The following TULP4 variants were observed in gnomAD, a reference collection of about 807,000 sequenced individuals.
The protein encoded by TULP4 is TUB like protein 4.
Under a neutral mutation model 129.0 loss-of-function variants are expected in TULP4, and 16 were observed. That is an observed-to-expected ratio of 0.12 (90% CI 0.08 to 0.19). The LOEUF (loss-of-function observed/expected upper bound fraction) is 0.19, where lower values mean the gene tolerates loss of function less well. TULP4 is among the 10% of genes least tolerant of loss of function. The pLI, the probability that TULP4 is intolerant of heterozygous loss-of-function variation, is 1.00. For missense variants in TULP4, 1,842 were observed against 2,059.1 expected (o/e 0.89, Z 2.04); for synonymous variants, 998 against 854.0 (o/e 1.17, Z -2.94).
chr6:158,245,558 C>A (rs565290422), intron 1 of TULP4, among the ~76,000 whole-genome samples: 1 of 152,012 alleles, frequency 6.6e-6, no homozygotes, highest in African/African-American at 2.4e-5. Context: ...GCAAAGTGTG[C>A]ATAGCCTTCT....
rs1362130604 is a variant in TULP4, at chr6:158,504,184, ACCT to A, written c.4515+8_4515+10del. The A allele has an allele frequency of 6.4e-7, 1 of 1,557,940 alleles. No individual in the cohort carries two copies. Among genetic ancestry groups the A allele is most frequent in the African/African-American group, 1.4e-5 (1 of 73,846 alleles). On this transcript the variant is annotated splice_region_variant and intron_variant, in intron 13 of 13. Transcript: ENST00000367097. ...TTGAGTTAGAGGGGCGGCAGGTAAG[ACCT>A]CAGACCAGGTGGCGCTGCGAGCCCA...
intron 1 of TULP4, among the ~76,000 whole-genome samples, chr6:158,377,667 G>A (rs139321765): frequency 9.2e-5 from 14 of 152,314 alleles, no homozygotes; most frequent in Non-Finnish European, 1.9e-4. Context: ...AGTCTAGCGG[G>A]TGGCTGACTT....
chr6:158,362,386 G>T (rs1445605294), intron 1 of TULP4, among the ~76,000 whole-genome samples: 1 of 151,386 alleles, frequency 6.6e-6, no homozygotes, highest in African/African-American at 2.4e-5. Flanking sequence ...GTCTCTCTCT[G>T]TTGCCCAGGC....
rs536073795 is a variant in TULP4, at chr6:158,249,461, G to A, written n.68+17158G>A. Among the ~76,000 whole-genome samples, 33 of 152,262 alleles carry A rather than the reference G, an allele frequency of 2.2e-4. No individual in the cohort carries two copies. In the South Asian group the frequency reaches 6.6e-3, roughly 31 times the overall value. ...ATGAAAGTGGCACGCATTCTGTTTC[G>A]TCTTTTTACCCAGCTTTGCCTCTGA... On this transcript the variant is annotated intron_variant and non_coding_transcript_variant, in intron 1 of 1. Transcript: ENST00000620026.
At chr6:158,251,745 T>C (rs902222259) in intron 1 of TULP4, among the ~76,000 whole-genome samples, 4 of 152,212 alleles carry the variant, frequency 2.6e-5, no homozygotes, top group African/African-American at 7.2e-5. Context: ...CTGGTGCTGA[T>C]TGGCTGGTGC....
intron 6 of TULP4, among the ~76,000 whole-genome samples, chr6:158,474,305 C>G (rs1000848716): frequency 6.6e-6 from 1 of 152,222 alleles, no homozygotes; most frequent in African/African-American, 2.4e-5. Flanking sequence ...TCTGCCTCCT[C>G]GGTGGCCGGG....
intron 1 of TULP4, among the ~76,000 whole-genome samples, chr6:158,244,168 G>A (rs1340550819): frequency 6.6e-6 from 1 of 152,030 alleles, no homozygotes; most frequent in Non-Finnish European, 1.5e-5. Context: ...ATTTAGGCTG[G>A]CACCTGAGTC....
At chr6:158,410,651 C>G (rs962684391) in intron 1 of TULP4, among the ~76,000 whole-genome samples, 1 of 152,130 alleles carries the variant, frequency 6.6e-6, no homozygotes, top group African/African-American at 2.4e-5. Context: ...GTGCTTGGGT[C>G]AAATCATTGG....
rs139302047 is a variant in TULP4, at chr6:158,418,460, A to C, written c.381+5267A>C. Among the ~76,000 whole-genome samples, 340 of 143,700 alleles carry C rather than the reference A, an allele frequency of 2.4e-3. 1 individual carries two copies. Among genetic ancestry groups the C allele is most frequent in the Non-Finnish European group, 3.5e-3 (236 of 66,494 alleles). 94.3% of individuals were successfully genotyped at this position (143,700 alleles called of 152,430 possible). On this transcript the variant is annotated intron_variant, in intron 2 of 13. Transcript: ENST00000367097. The stretch of plus-strand genomic sequence containing the variant: ...TGGTTTTCTCTGGTTTTGTTTTTCC[A>C]GTTGTGATATAGTCTTATCACATTA...
At chr6:158,246,326 A>G (rs1699239996) in intron 1 of TULP4, among the ~76,000 whole-genome samples, 2 of 152,004 alleles carry the variant, frequency 1.3e-5, no homozygotes, top group Admixed American at 6.6e-5. Flanking sequence ...AGTCTCTACT[A>G]AAAATACAAA....
At chr6:158,300,930 A>G (rs1779119584) in intron 1 of TULP4, among the ~76,000 whole-genome samples, 1 of 152,208 alleles carries the variant, frequency 6.6e-6, no homozygotes, top group Admixed American at 6.5e-5. Flanking sequence ...GAGTGAGATT[A>G]TGGAACTCCT....
intron 6 of TULP4, among the ~76,000 whole-genome samples, chr6:158,467,038 T>C (rs189119085): frequency 6.6e-6 from 1 of 152,268 alleles, no homozygotes; most frequent in African/African-American, 2.4e-5. Flanking sequence ...CTCATAAGCA[T>C]TGCACATTCA....
At chr6:158,332,318 G>A (rs1468181842) in intron 1 of TULP4, among the ~76,000 whole-genome samples, 1 of 151,602 alleles carries the variant, frequency 6.6e-6, no homozygotes. Context: ...GATAAGCTGG[G>A]AAGGGGTTCA....
chr6:158,362,858 G>A (rs928778894), intron 1 of TULP4, among the ~76,000 whole-genome samples: 3 of 151,956 alleles, frequency 2.0e-5, no homozygotes, highest in Non-Finnish European at 4.4e-5. Context: ...TCAGGAGTTC[G>A]AGACTAGCCT....
rs599672 is a variant in TULP4, at chr6:158,438,604, A to T, written c.543+8707A>T. On this transcript the variant is annotated intron_variant, in intron 3 of 13. Coordinates refer to ENST00000367097, the MANE Select transcript of TULP4 (RefSeq NM_020245.5). ...GTTTGTTTGTTTGTTTGTTTGTTTG[A>T]GACAGAGTCTCGCTCTGTTGCCCAG... Among the ~76,000 whole-genome samples, 756 of 81,196 alleles carry T rather than the reference A, an allele frequency of 9.3e-3. 2 individuals carry two copies. Among genetic ancestry groups the T allele is most frequent in the Non-Finnish European group, 0.018 (470 of 25,818 alleles). The allele number at this position is 81,196 out of a possible 152,430, so 53.3% of individuals were successfully genotyped here.
At chr6:158,320,807 G>A (rs1396760763) in intron 1 of TULP4, among the ~76,000 whole-genome samples, 4 of 152,154 alleles carry the variant, frequency 2.6e-5, no homozygotes, top group Admixed American at 1.3e-4. Context: ...ATAAGGACAC[G>A]ACTACTGTAG....
chr6:158,274,572 C>A (rs112025372), intron 1 of TULP4, among the ~76,000 whole-genome samples: 1 of 151,972 alleles, frequency 6.6e-6, no homozygotes, highest in East Asian at 1.9e-4. Flanking sequence ...GTCAGGAGAT[C>A]GAGACCATCC....
intron 2 of TULP4, among the ~76,000 whole-genome samples, chr6:158,415,852 A>G (rs1192534236): frequency 2.6e-5 from 4 of 152,106 alleles, no homozygotes; most frequent in African/African-American, 9.7e-5. Flanking sequence ...TTTTTGAAGG[A>G]GAACTGACTC....
chr6:158,352,140 A>G (rs1780539743), intron 1 of TULP4, among the ~76,000 whole-genome samples: 3 of 152,196 alleles, frequency 2.0e-5, no homozygotes, highest in Admixed American at 2.0e-4. Context: ...TCAAAAGTGG[A>G]ATGAATAGGA....
Sources: allele counts gnomAD v4.1 joint callset (sites outside exome capture counted in the v4.1 genomes callset), GRCh38; gene constraint gnomAD v4.1.1; transcripts MANE v1.5; gene names NCBI Gene and HGNC (gene_info 2026-07-23, HGNC 2026-07-21).